CFAP276: variants seen among roughly 807,000 people sequenced by gnomAD.
The protein encoded by CFAP276 is cilia and flagella associated protein 276.
At chr1:109,106,992 G>C in the CFAP276 span, 5 of 1,591,604 alleles carry the variant, frequency 3.1e-6, no homozygotes, top group Non-Finnish European at 4.3e-6. Flanking sequence ...GAGAGGCTCT[G>C]CCTCTACCAC....
the CFAP276 span, chr1:109,113,611 C>G: frequency 6.2e-7 from 1 of 1,613,452 alleles, no homozygotes; most frequent in East Asian, 2.2e-5. Context: ...CAGGAGTGGC[C>G]TTCGTAGGAG....
At chr1:109,112,559 C>A in the CFAP276 span, 3 of 1,548,176 alleles carry the variant, frequency 1.9e-6, no homozygotes, top group Non-Finnish European at 2.6e-6. Context: ...AGAAGACTAC[C>A]GGCGACCCTA....
chr1:109,112,576 A>G, the CFAP276 span: 2 of 1,549,902 alleles, frequency 1.3e-6, no homozygotes, highest in Non-Finnish European at 1.7e-6. Context: ...CCTACTGGGA[A>G]TCTGCGCAAG....
the CFAP276 span, among the ~76,000 whole-genome samples, chr1:109,113,442 G>GTC: frequency 6.8e-6 from 1 of 146,580 alleles, no homozygotes; most frequent in African/African-American, 2.6e-5. Context: ...GAGAGAGAGA[G>GTC]AGAGAGAGAG....
the CFAP276 span, chr1:109,106,028 C>G: frequency 3.7e-6 from 6 of 1,611,912 alleles, no homozygotes; most frequent in Admixed American, 6.7e-5. Flanking sequence ...TCTGTCAACA[C>G]TAGGTGGAGA....
At chr1:109,110,325 A>G in the CFAP276 span, among the ~76,000 whole-genome samples, 1 of 152,032 alleles carries the variant, frequency 6.6e-6, no homozygotes, top group Non-Finnish European at 1.5e-5. Flanking sequence ...CTCACTCACC[A>G]TTCCCATACC....
At chr1:109,106,210 G>A in the CFAP276 span, 27 of 967,784 alleles carry the variant, frequency 2.8e-5, no homozygotes, top group Non-Finnish European at 4.2e-5. Context: ...TCTCATAACA[G>A]CTGGGAAAAC....
At chr1:109,112,401 T>C in the CFAP276 span, among the ~76,000 whole-genome samples, 2 of 152,194 alleles carry the variant, frequency 1.3e-5, no homozygotes, top group Non-Finnish European at 2.9e-5. Flanking sequence ...GAACTCTACT[T>C]TCCTCTGCTC....
chr1:109,110,037 C>G, the CFAP276 span, among the ~76,000 whole-genome samples: 1 of 152,206 alleles, frequency 6.6e-6, no homozygotes. Flanking sequence ...AAGGATGAGT[C>G]TGTCTTTCAC....
the CFAP276 span, chr1:109,106,562 A>T: frequency 1.2e-6 from 2 of 1,613,604 alleles, no homozygotes; most frequent in Non-Finnish European, 1.7e-6. Context: ...CTGTGGATGG[A>T]CTCCTTTTTA....
At chr1:109,107,926 GATCAAA>G in the CFAP276 span, 1 of 1,607,748 alleles carries the variant, frequency 6.2e-7, no homozygotes, top group Non-Finnish European at 8.5e-7. Flanking sequence ...GGTACCTCGG[GATCAAA>G]ATAGTAGGCA....
chr1:109,106,490 A>T, the CFAP276 span: 2 of 1,597,306 alleles, frequency 1.3e-6, no homozygotes, highest in Non-Finnish European at 1.7e-6. Context: ...ATTTAGAAAG[A>T]CTCCCCCACT....
the CFAP276 span, chr1:109,106,839 T>G: frequency 1.1e-6 from 1 of 891,302 alleles, no homozygotes; most frequent in East Asian, 2.6e-5. Context: ...TTTCTGTTCA[T>G]CTTAGACAGT....
chr1:109,111,727 T>G, the CFAP276 span, among the ~76,000 whole-genome samples: 1 of 152,214 alleles, frequency 6.6e-6, no homozygotes, highest in Non-Finnish European at 1.5e-5. Context: ...TCCTGTTTCC[T>G]TCTTCCTAAC....
At chr1:109,112,487 C>G in the CFAP276 span, 17 of 1,397,542 alleles carry the variant, frequency 1.2e-5, no homozygotes, top group Non-Finnish European at 1.6e-5. Flanking sequence ...TCCCTGGTAC[C>G]CGACTGAGTG....
At chr1:109,113,219 G>C in the CFAP276 span, among the ~76,000 whole-genome samples, 2 of 151,858 alleles carry the variant, frequency 1.3e-5, no homozygotes, top group Non-Finnish European at 2.9e-5. Flanking sequence ...GCGAAACCCC[G>C]TCTCTACAAA....
chr1:109,107,070 G>A, the CFAP276 span: 1 of 1,614,172 alleles, frequency 6.2e-7, no homozygotes. Context: ...GAATGTCCCA[G>A]TGTGGTGGTT....
chr1:109,111,867 T>C, the CFAP276 span, among the ~76,000 whole-genome samples: 2 of 152,244 alleles, frequency 1.3e-5, no homozygotes, highest in African/African-American at 4.8e-5. Context: ...TGTCACAACA[T>C]GTGCTATTGT....
the CFAP276 span, among the ~76,000 whole-genome samples, chr1:109,109,947 T>C: frequency 2.0e-5 from 3 of 152,168 alleles, no homozygotes; most frequent in Admixed American, 2.0e-4. Context: ...ATAGGCTCAG[T>C]TGTCCTTTGA....
Sources: allele counts gnomAD v4.1 joint callset (sites outside exome capture counted in the v4.1 genomes callset), GRCh38; gene constraint gnomAD v4.1.1; transcripts MANE v1.5; gene names NCBI Gene and HGNC (gene_info 2026-07-23, HGNC 2026-07-21).